The following NDC80 variants were observed in gnomAD, a reference collection of about 807,000 sequenced individuals.
NDC80 encodes NDC80 kinetochore complex component.
A neutral mutation model predicts 89.3 loss-of-function variants in NDC80; 69 were observed. That is an observed-to-expected ratio of 0.77 (90% CI 0.64 to 0.94). The LOEUF (loss-of-function observed/expected upper bound fraction) is 0.94, where lower values mean the gene tolerates loss of function less well. Among genes scored for constraint, NDC80 ranks in the 40% least tolerant of loss-of-function variants. The pLI, the probability that NDC80 is intolerant of heterozygous loss-of-function variation, is 0.00. For missense variants in NDC80, 593 were observed against 739.6 expected, an observed-to-expected ratio of 0.80 and a Z score of 2.30; for synonymous variants, 243 against 255.6, an observed-to-expected ratio of 0.95 and a Z score of 0.47.
chr18:2,599,270 G>A, intron 12 of NDC80, 99 bp downstream of exon 12: 4 of 848,514 alleles, frequency 4.7e-6, no homozygotes, highest in Non-Finnish European at 3.3e-6. Context: ...ACTAAACAAA[G>A]GAATAAAACA....
intron 6 of NDC80, 118 bp from the exon 7 acceptor site, chr18:2,584,995 C>A: frequency 1.5e-6 from 1 of 680,516 alleles, no homozygotes. Flanking sequence ...TCAAAAGAGA[C>A]TTTTAGTTAC....
rs774849042 is a variant in NDC80 at position 2,616,549 on chromosome 18, C to A, written c.1904C>A (p.Thr635Asn). ...AGAGATAAGTATGAGAAGAAAGCTA[C>A]TCTAATTAAGTCTTCTGAAGAATGA... ...EIRDKYEKKA[T>N]LIKSSEE Residue 635 changes from threonine (T) to asparagine (N), a missense_variant, in exon 17 of 17, where the codon ACT (threonine) becomes AAT (asparagine). Physicochemically the swap from Thr to Asn is moderately conservative, Grantham distance 65 (BLOSUM62 0). Coordinates refer to ENST00000261597, the MANE Select transcript of NDC80 (RefSeq NM_006101.3). The A allele has an allele frequency of 2.1e-6, 3 of 1,448,260 alleles. No homozygotes were observed. The highest frequency in any genetic ancestry group is 4.8e-5 in the East Asian group (2 of 42,082). 89.7% of individuals were successfully genotyped at this position (1,448,260 alleles called of 1,614,324 possible).
chr18:2,588,460 T>G (rs2072612555), intron 8 of NDC80, among the ~76,000 whole-genome samples: 1 of 152,142 alleles, frequency 6.6e-6, no homozygotes, highest in Admixed American at 6.5e-5. Flanking sequence ...CAGTATTTAC[T>G]AGATAACTCT....
intron 12 of NDC80, among the ~76,000 whole-genome samples, chr18:2,599,570 T>C (rs536033767): frequency 2.0e-5 from 3 of 152,188 alleles, no homozygotes; most frequent in Admixed American, 6.5e-5. Flanking sequence ...GAGACATATA[T>C]GGGAAGGGTC....
chr18:2,572,551 C>T (rs1020551620), intron 1 of NDC80, among the ~76,000 whole-genome samples: 6 of 152,130 alleles, frequency 3.9e-5, no homozygotes, highest in Non-Finnish European at 8.8e-5. Flanking sequence ...GAAAAGGAAA[C>T]ATTTTGAGGT....
chr18:2,595,616 G>A lies in NDC80; in HGVS notation c.1216G>A (p.Glu406Lys). 6.2e-7 allele frequency: 1 copy of A among 1,612,850 alleles called. No homozygotes were observed. The highest frequency in any genetic ancestry group is 8.5e-7 in the Non-Finnish European group (1 of 1,179,282). ...GGAGTTAAAATATGCCAGAGGCAAA[G>A]AAGCGGTATGTCATACCATTTCCAG... Reference protein sequence around the residue: ...NEELKYARGKEAIETQLAEYH... With the variant: ...NEELKYARGKKAIETQLAEYH... The change falls in exon 11 of 17, where the codon GAA becomes AAA. Residue 406 changes from glutamate (E) to lysine (K), a missense_variant. Glu to Lys is a moderately conservative substitution (Grantham distance 56, BLOSUM62 1). Coordinates refer to ENST00000261597, the MANE Select transcript of NDC80 (RefSeq NM_006101.3).
intron 11 of NDC80, 95 bp downstream of exon 11, chr18:2,595,716 G>A (rs2072651577): frequency 1.0e-6 from 1 of 969,396 alleles, no homozygotes; most frequent in South Asian, 1.7e-5. Flanking sequence ...AGAGTAAATT[G>A]GCTTAAGAGG....
chr18:2,613,725 T>A (rs1023848601), intron 16 of NDC80, among the ~76,000 whole-genome samples: 4 of 152,156 alleles, frequency 2.6e-5, no homozygotes, highest in Non-Finnish European at 5.9e-5. Flanking sequence ...CACAAAAAAA[T>A]TATTTACAAA....
At position 2,578,141 on chromosome 18, in the gene NDC80, G is replaced by C. The variant is rs572698153; in HGVS notation, c.476G>C (p.Gly159Ala). Reference sequence around the variant, plus strand: ...GTTCCAAGAATCTTTAAAGACCTTGGGTATGTATATTTCTTATTAGTTTAG... The same window carrying C: ...GTTCCAAGAATCTTTAAAGACCTTGCGTATGTATATTTCTTATTAGTTTAG... ...EEVPRIFKDL[G>A]YPFALSKSSM... is the part of the protein sequence containing the mutation. Residue 159 changes from glycine (G) to alanine (A), a missense_variant and splice_region_variant, in exon 5 of 17, where the codon GGG becomes GCG. By Grantham distance (60) the Gly-to-Ala change is moderately conservative. Transcript: ENST00000261597. 24 of 1,612,432 alleles carry C rather than the reference G, an allele frequency of 1.5e-5. No individual in the cohort carries two copies. In the South Asian group the frequency reaches 2.0e-4, roughly 13 times the overall value.
chr18:2,594,256 A>T (rs1260814549), intron 10 of NDC80: 1 of 152,754 alleles, frequency 6.5e-6, no homozygotes, highest in Non-Finnish European at 1.5e-5. Flanking sequence ...CAGTCACTTT[A>T]CTAGAAGTAA....
chr18:2,588,101 C>G (rs552553813), intron 8 of NDC80, among the ~76,000 whole-genome samples, 178 bp downstream of exon 8: 1 of 152,214 alleles, frequency 6.6e-6, no homozygotes, highest in East Asian at 1.9e-4. Flanking sequence ...AAAAAGAATA[C>G]TAGTGTTGGA....
chr18:2,594,960 A>C (rs2072646990), intron 10 of NDC80: 1 of 152,158 alleles, frequency 6.6e-6, no homozygotes, highest in African/African-American at 2.4e-5. Context: ...GCCTCAGCCT[A>C]GAATGTCCCT....
rs2072615955 is a variant in NDC80, at chr18:2,589,294, A to T, written c.854A>T (p.Glu285Val). 1.2e-6 allele frequency: 2 copies of T among 1,612,808 alleles called. No individual in the cohort carries two copies. Among genetic ancestry groups the T allele is most frequent in the East Asian group, 4.5e-5 (2 of 44,856 alleles). ...GAACAGATTGCAAGATTGGAACAAG[A>T]AAGAGAAAAAGAACCGGTTAGTAAA... ...LNEQIARLEQ[E>V]REKEPNRLES... Residue 285 changes from glutamate (E) to valine (V), a missense_variant, in exon 9 of 17, where the codon GAA (glutamate) becomes GTA (valine). Transcript: ENST00000261597.
rs71356058 is a variant in NDC80 at position 2,574,079 on chromosome 18, A to G, written c.102-910A>G. Among the ~76,000 whole-genome samples, 681 of 152,292 alleles carry G rather than the reference A, an allele frequency of 4.5e-3. 4 individuals are homozygous for G. The highest frequency in any genetic ancestry group is 0.014 in the Middle Eastern group (4 of 294). On this transcript the variant is annotated intron_variant, in intron 2 of 16. Transcript: ENST00000261597. ...CCATTTTGTCTTAACTGGACTTCCTACCTACACTTTTCTTTCTCTTGGTAA... is the reference window on the plus strand; with the variant it reads ...CCATTTTGTCTTAACTGGACTTCCTGCCTACACTTTTCTTTCTCTTGGTAA...
rs542826464 is a variant in NDC80, at chr18:2,573,830, G to A, written c.101+744G>A. 3.3e-5 allele frequency among the ~76,000 whole-genome samples: 5 copies of A among 152,160 alleles called. No homozygotes were observed. The South Asian group carries it at 1.0e-3, about 32-fold the overall frequency. Reference sequence around the variant, plus strand: ...TTATACATTACTTATACCAAAAAAAGTTATGCCTTTAATTGTATTAGAAGC... The same window carrying A: ...TTATACATTACTTATACCAAAAAAAATTATGCCTTTAATTGTATTAGAAGC... On this transcript the variant is annotated intron_variant, in intron 2 of 16. Transcript: ENST00000261597.
At chr18:2,587,759 C>T in intron 7 of NDC80, 71 bp from the exon 8 acceptor site, 1 of 1,187,922 alleles carries the variant, frequency 8.4e-7, no homozygotes, top group Non-Finnish European at 1.2e-6. Flanking sequence ...ATATAAATTT[C>T]CACCTAGAAA....
rs1450640604 is a variant in NDC80 at position 2,614,575 on chromosome 18, A to G, written c.1792-1862A>G. The G allele has an allele frequency of 5.5e-3, 54 of 9,744 alleles. 23 individuals are homozygous for G. Among genetic ancestry groups the G allele is most frequent in the African/African-American group, 0.049 (50 of 1,030 alleles). 0.6% of individuals were successfully genotyped at this position (9,744 alleles called of 1,614,324 possible). On this transcript the variant is annotated intron_variant, in intron 16 of 16. Coordinates refer to ENST00000261597, the MANE Select transcript of NDC80 (RefSeq NM_006101.3). ...AGGAAGGAAGGAAGGGAAAGAAAGA[A>G]AGAAAGAAAGAAAGAAAGAAAGAAA...
chr18:2,604,675 T>A (rs763672240), intron 13 of NDC80, among the ~76,000 whole-genome samples: 1 of 152,126 alleles, frequency 6.6e-6, no homozygotes, highest in Non-Finnish European at 1.5e-5. Context: ...AGTGAGACCC[T>A]TTCTCCAAAA....
intron 16 of NDC80, chr18:2,615,032 CGAA>C (rs1239235428): frequency 1.3e-5 from 2 of 152,420 alleles, no homozygotes; most frequent in African/African-American, 4.8e-5. Flanking sequence ...TGGGGAGAGA[CGAA>C]GAAGGATTCT....
Sources: allele counts gnomAD v4.1 joint callset (sites outside exome capture counted in the v4.1 genomes callset), GRCh38; gene constraint gnomAD v4.1.1; transcripts MANE v1.5; gene names NCBI Gene and HGNC (gene_info 2026-07-23, HGNC 2026-07-21).